Variants in FOXK1 observed in about 807,000 individuals in gnomAD.
FOXK1 encodes the protein forkhead box K1.
FOXK1 carries 19 observed loss-of-function variants against 51.9 expected under a neutral mutation model. That is an observed-to-expected ratio of 0.37 (90% CI 0.26 to 0.54). FOXK1 has a LOEUF of 0.54. Among genes scored for constraint, FOXK1 ranks in the 20% least tolerant of loss-of-function variants. The probability of loss-of-function intolerance (pLI) is 0.87; values close to 1 mark genes in which losing one functional copy is unlikely to be tolerated. For missense variants in FOXK1, 870 were observed against 1,032.7 expected (o/e 0.84, Z 2.16); for synonymous variants, 537 against 482.6 (o/e 1.11, Z -1.48).
Position 4,730,084 on chromosome 7 carries a change from A to G in FOXK1, c.561-10754A>G, listed in dbSNP as rs932945404. ...TCACCGCGTGTCACCGACTCAGCAT[A>G]TGGGCTTGAGTATCTCGCTGTCTTT... On this transcript the variant is annotated intron_variant, in intron 1 of 8. Transcript: ENST00000328914. This position sits in a 1 kb window ranked among gnomAD's most constrained non-coding sequence, Gnocchi z 4.7. Among the ~76,000 whole-genome samples the G allele has an allele frequency of 1.3e-5, 2 of 152,216 alleles. No individual in the cohort carries two copies. Among genetic ancestry groups the G allele is most frequent in the Admixed American group, 6.5e-5 (1 of 15,288 alleles).
At chr7:4,737,976 G>A (rs1454519015) in intron 1 of FOXK1, among the ~76,000 whole-genome samples, 2 of 151,832 alleles carry the variant, frequency 1.3e-5, no homozygotes, top group Non-Finnish European at 2.9e-5. Context: ...TACAAAATTA[G>A]CTGGGCGTGG....
rs566490927 is a variant in FOXK1 at position 4,709,924 on chromosome 7, G to T, written c.560+27056G>T. Among the ~76,000 whole-genome samples the T allele has an allele frequency of 1.4e-4, 22 of 152,330 alleles. No homozygotes were observed. The highest frequency in any genetic ancestry group is 5.3e-4 in the African/African-American group (22 of 41,574). Reference sequence around the variant, plus strand: ...GACACGTTTGAACACGGAAGAACACGGAAGCCTGTGTGTTAGGCGTTAACA... The same window carrying T: ...GACACGTTTGAACACGGAAGAACACTGAAGCCTGTGTGTTAGGCGTTAACA... On this transcript the variant is annotated intron_variant, in intron 1 of 8. Coordinates refer to ENST00000328914, the MANE Select transcript of FOXK1 (RefSeq NM_001037165.2). The surrounding 1 kb of genome is among the most constrained non-coding windows in gnomAD (Gnocchi z 5.6).
intron 2 of FOXK1, 56 bp from the exon 3 acceptor site, chr7:4,754,403 C>T (rs1489330227): frequency 1.3e-6 from 2 of 1,589,222 alleles, no homozygotes; most frequent in Admixed American, 1.7e-5. Context: ...GCCCTGAGCC[C>T]CACAGGGGCC....
At chr7:4,720,693 G>A (rs1056472801) in intron 1 of FOXK1, among the ~76,000 whole-genome samples, 4 of 148,850 alleles carry the variant, frequency 2.7e-5, no homozygotes, top group East Asian at 3.9e-4. Context: ...TGTATGCTGC[G>A]TGCCTAGCTT....
rs1279670536 is a variant in FOXK1, at chr7:4,731,031, T to C, written c.561-9807T>C. ...AAAATCAAAACCATTTGCTGAACAGTCTTATTTCTCGGAGGAGTTTAAGCA... is the reference window on the plus strand; with the variant it reads ...AAAATCAAAACCATTTGCTGAACAGCCTTATTTCTCGGAGGAGTTTAAGCA... On this transcript the variant is annotated intron_variant, in intron 1 of 8. Coordinates refer to ENST00000328914, the MANE Select transcript of FOXK1 (RefSeq NM_001037165.2). The surrounding 1 kb of genome is among the most constrained non-coding windows in gnomAD (Gnocchi z 5.3). Among the ~76,000 whole-genome samples, 2 of 151,996 alleles carry C rather than the reference T, an allele frequency of 1.3e-5. No homozygotes were observed. Among genetic ancestry groups the C allele is most frequent in the Admixed American group, 1.3e-4 (2 of 15,250 alleles).
Position 4,715,549 on chromosome 7 carries a change from C to G in FOXK1, c.561-25289C>G, listed in dbSNP as rs539563333. On this transcript the variant is annotated intron_variant, in intron 1 of 8. Coordinates refer to ENST00000328914, the MANE Select transcript of FOXK1 (RefSeq NM_001037165.2). This position sits in a 1 kb window ranked among gnomAD's most constrained non-coding sequence, Gnocchi z 4.5. The stretch of plus-strand genomic sequence containing the variant: ...TCATCTATCAGCAGTCAGCTTTCCA[C>G]TTAAGCAGAGCCAAGTTTAGAATGA... Among the ~76,000 whole-genome samples, 2 of 152,332 alleles carry G rather than the reference C, an allele frequency of 1.3e-5. No homozygotes were observed. Among genetic ancestry groups the G allele is most frequent in the Non-Finnish European group, 2.9e-5 (2 of 68,034 alleles).
In FOXK1 at chr7:4,748,680, G is replaced by A. The variant is rs78563136; in HGVS notation, c.747-5779G>A. Among the ~76,000 whole-genome samples, 152 of 152,210 alleles carry A rather than the reference G, an allele frequency of 1.0e-3. 3 individuals carry two copies. The East Asian group carries it at 0.022, about 22-fold the overall frequency. ...TTTTACCAGAGTCCATCCCCCAGTC[G>A]CTTCCTGGGAAAGGGCACAGGAGAC... On this transcript the variant is annotated intron_variant, in intron 2 of 8. Transcript: ENST00000328914. The surrounding 1 kb of genome is among the most constrained non-coding windows in gnomAD (Gnocchi z 4.9).
chr7:4,713,267 G>A (rs1780196231), intron 1 of FOXK1, among the ~76,000 whole-genome samples: 1 of 152,184 alleles, frequency 6.6e-6, no homozygotes, highest in South Asian at 2.1e-4. Context: ...TCGTAACAGT[G>A]CTCTGTGCCA....
chr7:4,754,799 C>G, intron 3 of FOXK1, 184 bp downstream of exon 3: 1 of 757,420 alleles, frequency 1.3e-6, no homozygotes, highest in East Asian at 2.7e-5. Flanking sequence ...GTGCCCAAAT[C>G]ATCCCCGTTG....
chr7:4,692,995 C>T (rs1779913109), intron 1 of FOXK1, among the ~76,000 whole-genome samples: 1 of 151,904 alleles, frequency 6.6e-6, no homozygotes, highest in Non-Finnish European at 1.5e-5. Flanking sequence ...GCTATAATAT[C>T]CTTAAGTCAT....
intron 1 of FOXK1, among the ~76,000 whole-genome samples, chr7:4,698,312 G>GTATATATATATA (rs992394596): frequency 3.4e-5 from 5 of 147,106 alleles, no homozygotes; most frequent in African/African-American, 1.2e-4. Flanking sequence ...GTATGTGTGT[G>GTATATATATATA]TATATATATA....
intron 1 of FOXK1, among the ~76,000 whole-genome samples, chr7:4,708,791 T>G (rs1780137373): frequency 6.6e-6 from 1 of 152,126 alleles, no homozygotes; most frequent in Admixed American, 6.5e-5. Flanking sequence ...AAGGCCGGGC[T>G]TGGTGGCTCA....
At position 4,762,888 on chromosome 7, in the gene FOXK1, G is replaced by A. The variant is rs58320000; in HGVS notation, c.*424G>A. 0.01 allele frequency: 1,776 copies of A among 173,336 alleles called. 37 individuals are homozygous for A. The highest frequency in any genetic ancestry group is 0.04 in the African/African-American group (1,680 of 41,994). The allele number at this position is 173,336 out of a possible 1,614,324, so 10.7% of individuals were successfully genotyped here. A position where few individuals can be genotyped will look rare whatever the true frequency, so the allele number is the denominator to read the frequency against. ...CAGCAAGGCACACACCAAGGCTGCCGGGGAGGCCCGGGCACCGGACAGATG... is the reference window on the plus strand; with the variant it reads ...CAGCAAGGCACACACCAAGGCTGCCAGGGAGGCCCGGGCACCGGACAGATG... On this transcript the variant is annotated 3_prime_UTR_variant, in exon 9 of 9. Coordinates refer to ENST00000328914, the MANE Select transcript of FOXK1 (RefSeq NM_001037165.2). This position sits in a 1 kb window ranked among gnomAD's most constrained non-coding sequence, Gnocchi z 5.7.
Position 4,757,197 on chromosome 7 carries a change from T to C in FOXK1, c.1244+10T>C, listed in dbSNP as rs760831706. 1.3e-6 allele frequency: 2 copies of C among 1,582,002 alleles called. No homozygotes were observed. The highest frequency in any genetic ancestry group is 1.4e-5 in the African/African-American group (1 of 73,780). On this transcript the variant is annotated intron_variant, in intron 5 of 8. Transcript: ENST00000328914. Reference sequence around the variant, plus strand: ...GGCCTCTGTCCTCAAGGTAAAGTTCTCTGAGCGCCCGTCCTCCAGCTGTTA... The same window carrying C: ...GGCCTCTGTCCTCAAGGTAAAGTTCCCTGAGCGCCCGTCCTCCAGCTGTTA...
At position 4,762,479 on chromosome 7, in the gene FOXK1, C is replaced by T. The variant is rs1436422460; in HGVS notation, c.*15C>T. The T allele has an allele frequency of 1.4e-5, 21 of 1,536,242 alleles. No individual in the cohort carries two copies. The highest frequency in any genetic ancestry group is 1.2e-4 in the East Asian group (5 of 40,544). On this transcript the variant is annotated 3_prime_UTR_variant, in exon 9 of 9. Transcript: ENST00000328914. The surrounding 1 kb of genome is among the most constrained non-coding windows in gnomAD (Gnocchi z 5.7). ...CCGGGGAGTGAGGTCACCTGCAACG[C>T]GGGGGAGTGGGACTCACCCAGCGGC...
chr7:4,735,994 C>T lies in FOXK1; in HGVS notation c.561-4844C>T, dbSNP rs773143692. Among the ~76,000 whole-genome samples the T allele has an allele frequency of 2.0e-5, 3 of 152,116 alleles. No individual in the cohort carries two copies. The highest frequency in any genetic ancestry group is 6.6e-5 in the Admixed American group (1 of 15,262). On this transcript the variant is annotated intron_variant, in intron 1 of 8. Transcript: ENST00000328914. The surrounding 1 kb of genome is among the most constrained non-coding windows in gnomAD (Gnocchi z 4.7). ...CATGACCCCGTCTCTACTAAAAATACAAAACTTAGCTGGGCTCTGTGGCGC... is the reference window on the plus strand; with the variant it reads ...CATGACCCCGTCTCTACTAAAAATATAAAACTTAGCTGGGCTCTGTGGCGC...
Position 4,762,083 on chromosome 7 carries a change from C to A in FOXK1, c.1922-101C>A, listed in dbSNP as rs375637066. ...CTGCCTGGCAGGGGTGCACTGACCT[C>A]CGGTTCCGGCTTGGTGGCTTAGCCC... On this transcript the variant is annotated intron_variant, in intron 8 of 8. Transcript: ENST00000328914. The surrounding 1 kb of genome is among the most constrained non-coding windows in gnomAD (Gnocchi z 5.7). The A allele has an allele frequency of 5.0e-4, 694 of 1,394,172 alleles. 2 individuals are homozygous for A. In the African/African-American group the frequency reaches 9.2e-3, roughly 19 times the overall value. 86.4% of individuals were successfully genotyped at this position (1,394,172 alleles called of 1,614,324 possible). A position where few individuals can be genotyped will look rare whatever the true frequency, so the allele number is the denominator to read the frequency against.
Position 4,761,005 on chromosome 7 carries a change from CGAG to C in FOXK1, c.1697-56_1697-54del, listed in dbSNP as rs1252988215. The C allele has an allele frequency of 3.3e-6, 5 of 1,529,076 alleles. No individual in the cohort carries two copies. The highest frequency in any genetic ancestry group is 1.4e-5 in the African/African-American group (1 of 73,312). 94.7% of individuals were successfully genotyped at this position (1,529,076 alleles called of 1,614,324 possible). On this transcript the variant is annotated intron_variant, in intron 7 of 8. Transcript: ENST00000328914. This position sits in a 1 kb window ranked among gnomAD's most constrained non-coding sequence, Gnocchi z 6.2. ...CTTGTCCGACCTGCTGCCCAGGCGTCGAGGAAATCGATTGTCTCGTTGGCCGAG... is the reference window on the plus strand; with the variant it reads ...CTTGTCCGACCTGCTGCCCAGGCGTCGAAATCGATTGTCTCGTTGGCCGAG...
chr7:4,723,653 C>G lies in FOXK1; in HGVS notation c.561-17185C>G, dbSNP rs1203850217. ...GCAGTGCAGGAAGCTTTTCCTTTCTCTCAAAACAGTTACTACCAATGTTTG... is the reference window on the plus strand; with the variant it reads ...GCAGTGCAGGAAGCTTTTCCTTTCTGTCAAAACAGTTACTACCAATGTTTG... On this transcript the variant is annotated intron_variant, in intron 1 of 8. Transcript: ENST00000328914. This position sits in a 1 kb window ranked among gnomAD's most constrained non-coding sequence, Gnocchi z 4.7. 1.3e-5 allele frequency among the ~76,000 whole-genome samples: 2 copies of G among 152,180 alleles called. No individual in the cohort carries two copies. The highest frequency in any genetic ancestry group is 2.9e-5 in the Non-Finnish European group (2 of 68,028).
Sources: allele counts gnomAD v4.1 joint callset (sites outside exome capture counted in the v4.1 genomes callset), GRCh38; gene constraint gnomAD v4.1.1; non-coding constraint Gnocchi (gnomAD v3.1); transcripts MANE v1.5; gene names NCBI Gene and HGNC (gene_info 2026-07-23, HGNC 2026-07-21).